CPEB3: variants seen among roughly 807,000 people sequenced by gnomAD.
CPEB3 encodes cytoplasmic polyadenylation element binding protein 3.
A neutral mutation model predicts 67.2 loss-of-function variants in CPEB3; 20 were observed. The ratio of observed to expected loss-of-function variants is 0.30; its 90% CI spans 0.21 to 0.43. CPEB3 has a LOEUF of 0.43. CPEB3 is among the 20% of genes least tolerant of loss of function. The pLI is 1.00. For synonymous variants in CPEB3, 376 were observed against 393.1 expected (o/e 0.96, Z 0.51); for missense variants, 746 against 968.6 (o/e 0.77, Z 3.05).
chr10:92,085,596 ATTCTTTT>A (rs879902300), intron 8 of CPEB3, among the ~76,000 whole-genome samples: 115 of 152,076 alleles, frequency 7.6e-4, no homozygotes, highest in Middle Eastern at 6.8e-3. Flanking sequence ...TTTGCTCCTG[ATTCTTTT>A]TTCTTTTTTC....
chr10:92,215,293 C>T (rs1044474697), intron 2 of CPEB3, among the ~76,000 whole-genome samples: 1 of 151,636 alleles, frequency 6.6e-6, no homozygotes, highest in East Asian at 1.9e-4. Context: ...GCTGGGATTA[C>T]AGGCGCCCAC....
chr10:92,050,802 T>G lies in CPEB3; in HGVS notation c.*1410A>C, dbSNP rs1359505784. 1 of 152,704 alleles carries G rather than the reference T, an allele frequency of 6.5e-6. No individual in the cohort carries two copies. Among genetic ancestry groups the G allele is most frequent in the Non-Finnish European group, 1.5e-5 (1 of 68,044 alleles). 9.5% of individuals were successfully genotyped at this position (152,704 alleles called of 1,614,324 possible). A position where few individuals can be genotyped will look rare whatever the true frequency, so the allele number is the denominator to read the frequency against. On this transcript the variant is annotated 3_prime_UTR_variant, in exon 10 of 10. Transcript: ENST00000265997. ...AATCTGACAACTTATCTCTATATCC[T>G]GTATATATTCTTAGTGTTTGTAAGC...
At chr10:92,170,929 A>G (rs1847971352) in intron 4 of CPEB3, among the ~76,000 whole-genome samples, 1 of 152,190 alleles carries the variant, frequency 6.6e-6, no homozygotes, top group Non-Finnish European at 1.5e-5. Context: ...TAAAGACTCA[A>G]TTCCTACACT....
At chr10:92,212,360 C>T (rs991044309) in intron 2 of CPEB3, among the ~76,000 whole-genome samples, 1 of 151,968 alleles carries the variant, frequency 6.6e-6, no homozygotes, top group African/African-American at 2.4e-5. Context: ...AACCAATTCT[C>T]CTGCCTCAGC....
At chr10:92,277,222 G>C (rs1842033597) in intron 1 of CPEB3, among the ~76,000 whole-genome samples, 1 of 151,986 alleles carries the variant, frequency 6.6e-6, no homozygotes, top group East Asian at 1.9e-4. Flanking sequence ...TCTAATCCCT[G>C]GTCATGTAGA....
chr10:92,087,284 T>C (rs776074121), intron 8 of CPEB3, among the ~76,000 whole-genome samples: 21 of 152,058 alleles, frequency 1.4e-4, no homozygotes, highest in Non-Finnish European at 2.4e-4. Context: ...TCAGGGCAGG[T>C]GGGGAAGGCA....
rs910071992 is a variant in CPEB3 at position 92,166,851 on chromosome 10, T to C, written c.1222+14112A>G. Among the ~76,000 whole-genome samples, 5 of 152,250 alleles carry C rather than the reference T, an allele frequency of 3.3e-5. No homozygotes were observed. The East Asian group carries it at 7.7e-4, about 23-fold the overall frequency. On this transcript the variant is annotated intron_variant, in intron 4 of 9. Coordinates refer to ENST00000265997, the MANE Select transcript of CPEB3 (RefSeq NM_014912.5). ...CCTCTCTCGTTATGAAAGTCCTAGA[T>C]GGCATCTTCTTCCAATAGATGGCTG...
At chr10:92,223,567 CTTTTTTTTTTT>C (rs903904452) in intron 2 of CPEB3, among the ~76,000 whole-genome samples, 1 of 84,200 alleles carries the variant, frequency 1.2e-5, no homozygotes, top group African/African-American at 4.1e-5. Flanking sequence ...CTAATTATTT[CTTTTTTTTTTT>C]TTTTTTTTTT....
intron 9 of CPEB3, among the ~76,000 whole-genome samples, chr10:92,081,118 G>A (rs1218964414): frequency 6.6e-6 from 1 of 152,090 alleles, no homozygotes. Flanking sequence ...CATCACTCTG[G>A]GGATGGGTGA....
chr10:92,159,574 A>C (rs577885330), intron 4 of CPEB3, among the ~76,000 whole-genome samples: 36 of 151,956 alleles, frequency 2.4e-4, no homozygotes, highest in Non-Finnish European at 4.6e-4. Flanking sequence ...CAGGAAACTG[A>C]GGCAGGAGAA....
chr10:92,055,523 T>C (rs1359029000), intron 9 of CPEB3, among the ~76,000 whole-genome samples: 2 of 152,150 alleles, frequency 1.3e-5, no homozygotes, highest in Non-Finnish European at 2.9e-5. Flanking sequence ...ACGAACATTC[T>C]TCATAAGGAA....
chr10:92,277,014 ATTATCT>A (rs1163465809), intron 1 of CPEB3, among the ~76,000 whole-genome samples: 2 of 152,080 alleles, frequency 1.3e-5, no homozygotes, highest in Middle Eastern at 3.2e-3. Flanking sequence ...AGATCCTTTA[ATTATCT>A]TTATATTATT....
intron 2 of CPEB3, among the ~76,000 whole-genome samples, chr10:92,201,438 GA>G (rs1450719417): frequency 1.1e-4 from 16 of 152,226 alleles, no homozygotes; most frequent in African/African-American, 2.9e-4. Flanking sequence ...TGAGGCAGGA[GA>G]ATCACTGGAA....
intron 9 of CPEB3, among the ~76,000 whole-genome samples, chr10:92,059,213 C>G (rs1368139846): frequency 1.3e-5 from 2 of 151,076 alleles, no homozygotes; most frequent in Admixed American, 6.6e-5. Context: ...GTAATCCCAG[C>G]TACCTGGAAG....
At chr10:92,134,007 G>T (rs1178160831) in intron 6 of CPEB3, among the ~76,000 whole-genome samples, 1 of 152,114 alleles carries the variant, frequency 6.6e-6, no homozygotes, top group Non-Finnish European at 1.5e-5. Flanking sequence ...AGGTATTGAT[G>T]GAACATATCT....
chr10:92,219,890 G>A (rs1216756349), intron 2 of CPEB3, among the ~76,000 whole-genome samples: 1 of 152,200 alleles, frequency 6.6e-6, no homozygotes, highest in Non-Finnish European at 1.5e-5. Flanking sequence ...GGGCATGGTG[G>A]CTCACGCCTG....
Position 92,141,578 on chromosome 10 carries a change from A to G in CPEB3, c.1453+1451T>C, listed in dbSNP as rs1846424060. 5.3e-5 allele frequency among the ~76,000 whole-genome samples: 8 copies of G among 152,194 alleles called. No homozygotes were observed. The South Asian group carries it at 1.7e-3, about 32-fold the overall frequency. On this transcript the variant is annotated intron_variant, in intron 6 of 9. Transcript: ENST00000265997. Reference sequence around the variant, plus strand: ...GCACACCAGCATGGCACATGTATACATATGTAACTAACCTGCACATTGTGC... The same window carrying G: ...GCACACCAGCATGGCACATGTATACGTATGTAACTAACCTGCACATTGTGC...
intron 9 of CPEB3, among the ~76,000 whole-genome samples, chr10:92,057,526 G>A (rs946151703): frequency 3.3e-5 from 5 of 152,188 alleles, no homozygotes; most frequent in South Asian, 2.1e-4. Flanking sequence ...GGGGAATCTC[G>A]CTGCCCTAAA....
chr10:92,181,161 T>A, intron 3 of CPEB3, 142 bp from the exon 4 acceptor site: 1 of 506,310 alleles, frequency 2.0e-6, no homozygotes, highest in Non-Finnish European at 3.4e-6. Context: ...ACAACAGTTT[T>A]AAAAATTAAG....
Sources: gnomAD v4.1 joint callset for allele counts (sites outside exome capture counted in the v4.1 genomes callset) on GRCh38, gnomAD v4.1.1 for gene constraint, MANE v1.5 for transcripts, NCBI Gene and HGNC (gene_info 2026-07-23, HGNC 2026-07-21) for gene names.